The following MNAT1 variants were observed in gnomAD, a reference collection of about 807,000 sequenced individuals.
MNAT1 encodes CDK-activating kinase assembly factor MAT1.
Under a neutral mutation model 42.0 loss-of-function variants are expected in MNAT1, and 43 were observed. That is an observed-to-expected ratio of 1.02 (90% confidence interval 0.80 to 1.32). The LOEUF (loss-of-function observed/expected upper bound fraction) is 1.32, where lower values mean the gene tolerates loss of function less well. MNAT1 is among the 40% of genes most tolerant of loss of function. The probability of loss-of-function intolerance (pLI) is 0.00; values close to 1 mark genes in which losing one functional copy is unlikely to be tolerated. For synonymous variants in MNAT1, 118 were observed against 120.0 expected, an observed-to-expected ratio of 0.98 and a Z score of 0.11; for missense variants, 306 against 350.4, an observed-to-expected ratio of 0.87 and a Z score of 1.01.
rs1237628135 is a variant in MNAT1, at chr14:60,746,911, TATATATATATATACACAC to T, written c.89+11962_89+11979del. 1.2e-4 allele frequency among the ~76,000 whole-genome samples: 3 copies of T among 25,420 alleles called. No individual in the cohort carries two copies. The Admixed American group carries it at 1.4e-3, about 12-fold the overall frequency. 16.7% of individuals were successfully genotyped at this position (25,420 alleles called of 152,430 possible). A position where few individuals can be genotyped will look rare whatever the true frequency, so the allele number is the denominator to read the frequency against. ...AAGATTCATTTCATATATATATATA[TATATATATATATACACAC>T]ACACACACACACACACACACACACA... On this transcript the variant is annotated intron_variant, in intron 1 of 7. Coordinates refer to ENST00000261245, the MANE Select transcript of MNAT1 (RefSeq NM_002431.4).
At chr14:60,775,800 A>G (rs1262539682) in intron 1 of MNAT1, among the ~76,000 whole-genome samples, 1 of 152,206 alleles carries the variant, frequency 6.6e-6, no homozygotes, top group Non-Finnish European at 1.5e-5. Flanking sequence ...GTCACTAGCT[A>G]TGATTGAGGT....
At chr14:60,862,495 A>G (rs2034119160) in intron 6 of MNAT1, among the ~76,000 whole-genome samples, 1 of 152,204 alleles carries the variant, frequency 6.6e-6, no homozygotes. Flanking sequence ...TGTGTTCAGC[A>G]CAAGGGCTCA....
At chr14:60,877,242 T>A (rs1434222960) in intron 6 of MNAT1, among the ~76,000 whole-genome samples, 1 of 152,090 alleles carries the variant, frequency 6.6e-6, no homozygotes, top group Admixed American at 6.6e-5. Context: ...ATGTATATCT[T>A]ATGTGGTGAA....
At chr14:60,900,487 G>A (rs1344635436) in intron 7 of MNAT1, among the ~76,000 whole-genome samples, 1 of 152,154 alleles carries the variant, frequency 6.6e-6, no homozygotes, top group Non-Finnish European at 1.5e-5. Context: ...TGAGAAAGGT[G>A]AGGAAGCTAC....
intron 7 of MNAT1, among the ~76,000 whole-genome samples, chr14:60,913,853 C>G (rs573795301): frequency 1.1e-3 from 161 of 152,336 alleles, no homozygotes; most frequent in Middle Eastern, 3.4e-3. Context: ...CTCTTCAAAG[C>G]TGTCAGACAG....
chr14:60,798,226 G>A, intron 3 of MNAT1, 66 bp downstream of exon 3: 1 of 818,640 alleles, frequency 1.2e-6, no homozygotes, highest in Non-Finnish European at 2.0e-6. Context: ...AAATGCTTAG[G>A]AGAACATCTC....
At chr14:60,871,899 A>C (rs1468992170) in intron 6 of MNAT1, among the ~76,000 whole-genome samples, 1 of 152,214 alleles carries the variant, frequency 6.6e-6, no homozygotes, top group Non-Finnish European at 1.5e-5. Flanking sequence ...CTGGGATTAC[A>C]GGCTTGAGCC....
intron 6 of MNAT1, among the ~76,000 whole-genome samples, chr14:60,855,036 A>C (rs2033920920): frequency 1.3e-5 from 2 of 152,194 alleles, no homozygotes; most frequent in South Asian, 4.1e-4. Flanking sequence ...AATGTAGAGA[A>C]GCAGTCTGGC....
intron 6 of MNAT1, among the ~76,000 whole-genome samples, chr14:60,832,742 A>G (rs899136055): frequency 6.6e-6 from 1 of 151,872 alleles, no homozygotes; most frequent in Non-Finnish European, 1.5e-5. Context: ...TGATAGGGAT[A>G]GGATTGACTG....
chr14:60,879,629 T>C, intron 6 of MNAT1, 85 bp from the exon 7 acceptor site: 1 of 1,346,266 alleles, frequency 7.4e-7, no homozygotes, highest in Non-Finnish European at 1.0e-6. Flanking sequence ...TGTGAGGAAT[T>C]TAATTCATCT....
intron 1 of MNAT1, among the ~76,000 whole-genome samples, chr14:60,769,111 A>G (rs182277264): frequency 1.3e-5 from 2 of 152,030 alleles, no homozygotes; most frequent in Non-Finnish European, 2.9e-5. Flanking sequence ...TTTTTCTATT[A>G]TATTTTCTCC....
chr14:60,809,351 A>G (rs909304620), intron 4 of MNAT1, among the ~76,000 whole-genome samples: 5 of 152,132 alleles, frequency 3.3e-5, no homozygotes, highest in African/African-American at 9.6e-5. Flanking sequence ...AAAACTCTCA[A>G]TGAATTGATA....
At chr14:60,805,826 G>C (rs1392473852) in intron 3 of MNAT1, among the ~76,000 whole-genome samples, 4 of 152,224 alleles carry the variant, frequency 2.6e-5, no homozygotes, top group Non-Finnish European at 5.9e-5. Context: ...GATTAATAAA[G>C]CTGCTGTTAC....
chr14:60,801,976 G>T (rs940787664), intron 3 of MNAT1, among the ~76,000 whole-genome samples: 17 of 152,150 alleles, frequency 1.1e-4, no homozygotes, highest in African/African-American at 4.1e-4. Flanking sequence ...ATGCAACAAC[G>T]TGGATCAACC....
rs192991458 is a variant in MNAT1, at chr14:60,872,040, A to T, written c.688-7674A>T. Among the ~76,000 whole-genome samples the T allele has an allele frequency of 4.3e-3, 651 of 152,204 alleles. 3 individuals are homozygous for T. The highest frequency in any genetic ancestry group is 0.011 in the Admixed American group (165 of 15,282). ...TTTAAAATTTTCTCTTTTTATTAGT[A>T]TGTTTTGCATTGCTATGAAGGAATA... On this transcript the variant is annotated intron_variant, in intron 6 of 7. Transcript: ENST00000261245.
chr14:60,774,461 A>G (rs2140309486), intron 1 of MNAT1, among the ~76,000 whole-genome samples: 1 of 152,304 alleles, frequency 6.6e-6, no homozygotes, highest in South Asian at 2.1e-4. Context: ...ATTTTATGCT[A>G]TTTAATATGA....
intron 7 of MNAT1, among the ~76,000 whole-genome samples, chr14:60,900,215 A>G (rs1333543123): frequency 6.6e-6 from 1 of 152,204 alleles, no homozygotes. Context: ...AAAAGATAGA[A>G]GTGATTAAGC....
In MNAT1 at chr14:60,905,332, C is replaced by T. The variant is rs190270627; in HGVS notation, c.809+25497C>T. Among the ~76,000 whole-genome samples, 61 of 152,064 alleles carry T rather than the reference C, an allele frequency of 4.0e-4. No individual in the cohort carries two copies. The East Asian group carries it at 0.01, about 26-fold the overall frequency. On this transcript the variant is annotated intron_variant, in intron 7 of 7. Coordinates refer to ENST00000261245, the MANE Select transcript of MNAT1 (RefSeq NM_002431.4). ...TCAACTGTAATAAAACCAACAATAA[C>T]AGTACATTATTGAATATGTTAGATG...
intron 7 of MNAT1, among the ~76,000 whole-genome samples, chr14:60,910,586 T>C (rs2035327121): frequency 6.6e-6 from 1 of 152,194 alleles, no homozygotes; most frequent in Non-Finnish European, 1.5e-5. Context: ...GAGATAATCA[T>C]GTTTTTTTGT....
Sources: gnomAD v4.1 joint callset for allele counts (sites outside exome capture counted in the v4.1 genomes callset) on GRCh38, gnomAD v4.1.1 for gene constraint, MANE v1.5 for transcripts, NCBI Gene and HGNC (gene_info 2026-07-23, HGNC 2026-07-21) for gene names.